SMARCA1: variants seen among roughly 807,000 people sequenced by gnomAD.
SMARCA1 encodes the protein SNF2 related chromatin remodeling ATPase 1.
In SMARCA1, 17 loss-of-function variants were observed where a neutral mutation model predicts 93.6. The ratio of observed to expected loss-of-function variants is 0.18; its 90% CI spans 0.12 to 0.27. The LOEUF (loss-of-function observed/expected upper bound fraction) is 0.27. SMARCA1 is among the 10% of genes least tolerant of loss of function. The pLI, the probability that SMARCA1 is intolerant of heterozygous loss-of-function variation, is 1.00. For missense variants in SMARCA1, 630 were observed against 819.0 expected, an observed-to-expected ratio of 0.77 and a Z score of 2.82; for synonymous variants, 271 against 271.4, an observed-to-expected ratio of 1.00 and a Z score of 0.01.
chrX:129,461,035 A>G (rs1372141157), intron 23 of SMARCA1, among the ~76,000 whole-genome samples: 1 of 112,200 alleles, frequency 8.9e-6, no homozygotes, highest in Admixed American at 9.5e-5. Flanking sequence ...TAATAACACA[A>G]TTTTCATTAC....
At chrX:129,461,118 T>A (rs2124182506) in intron 23 of SMARCA1, among the ~76,000 whole-genome samples, 1 of 111,654 alleles carries the variant, frequency 9.0e-6, no homozygotes, top group African/African-American at 3.2e-5. Context: ...CTACAAAAGA[T>A]ATGGTAATTG....
At chrX:129,508,295 T>C (rs973504105) in intron 6 of SMARCA1, among the ~76,000 whole-genome samples, 199 bp from the exon 7 acceptor site, 1 of 111,826 alleles carries the variant, frequency 8.9e-6, no homozygotes, top group African/African-American at 3.2e-5. Flanking sequence ...GACCTGCTAA[T>C]ATATTCATTA....
At chrX:129,451,412 G>A (rs1932285101) in intron 23 of SMARCA1, among the ~76,000 whole-genome samples, 1 of 111,306 alleles carries the variant, frequency 9.0e-6, no homozygotes, top group Non-Finnish European at 1.9e-5. Flanking sequence ...ATAGTTGCTT[G>A]TGACTGGAGA....
chrX:129,480,343 A>G (rs1179889159), intron 19 of SMARCA1, among the ~76,000 whole-genome samples: 2 of 112,770 alleles, frequency 1.8e-5, no homozygotes, highest in Non-Finnish European at 3.7e-5. Context: ...TGGACCTATT[A>G]AGGAAATGAT....
intron 17 of SMARCA1, among the ~76,000 whole-genome samples, chrX:129,484,069 T>C (rs972704050): frequency 8.9e-6 from 1 of 112,016 alleles, no homozygotes; most frequent in African/African-American, 3.2e-5. Flanking sequence ...ATACAAGTCA[T>C]CATGGTTATT....
intron 24 of SMARCA1, among the ~76,000 whole-genome samples, chrX:129,447,757 C>T (rs887494467): frequency 9.0e-6 from 1 of 111,238 alleles, no homozygotes; most frequent in Non-Finnish European, 1.9e-5. Context: ...ATCTTAGATT[C>T]GATGAAATAT....
intron 7 of SMARCA1, 73 bp from the exon 8 acceptor site, chrX:129,506,284 T>C: frequency 1.4e-5 from 11 of 776,508 alleles, no homozygotes; most frequent in Non-Finnish European, 2.1e-5. Context: ...CTGTAATTTA[T>C]CCAACCAATA....
chrX:129,471,845 G>GA (rs1452181207), intron 19 of SMARCA1, among the ~76,000 whole-genome samples: 1 of 111,314 alleles, frequency 9.0e-6, no homozygotes, highest in Non-Finnish European at 1.9e-5. Context: ...GGATAATGAA[G>GA]AAAAAAGAGG....
chrX:129,503,833 G>A (rs1271253659), intron 9 of SMARCA1, among the ~76,000 whole-genome samples: 6 of 97,475 alleles, frequency 6.2e-5, no homozygotes, highest in African/African-American at 7.6e-5. Context: ...GTGGTGGCAC[G>A]TGCCTTTAGT....
At chrX:129,516,915 T>C (rs1245053514) in intron 2 of SMARCA1, among the ~76,000 whole-genome samples, 4 of 111,273 alleles carry the variant, frequency 3.6e-5, no homozygotes, top group African/African-American at 1.3e-4. Flanking sequence ...ATCCCAAATA[T>C]TGAAATATAA....
intron 23 of SMARCA1, among the ~76,000 whole-genome samples, chrX:129,449,586 GATTC>G (rs1932184333): frequency 8.9e-6 from 1 of 111,884 alleles, no homozygotes; most frequent in Non-Finnish European, 1.9e-5. Context: ...CATTAAACAT[GATTC>G]ATTAATACGG....
intron 19 of SMARCA1, among the ~76,000 whole-genome samples, chrX:129,472,838 G>A (rs1056458768): frequency 4.7e-4 from 52 of 111,731 alleles, no homozygotes; most frequent in Admixed American, 4.8e-4. Context: ...TCCTTTGGAC[G>A]CAATGTCAGA....
At chrX:129,473,464 C>T (rs191666544) in intron 19 of SMARCA1, among the ~76,000 whole-genome samples, 2 of 111,596 alleles carry the variant, frequency 1.8e-5, no homozygotes, top group African/African-American at 6.5e-5. Context: ...AAGTATTTAC[C>T]CAAAGAAAGG....
intron 19 of SMARCA1, among the ~76,000 whole-genome samples, chrX:129,477,283 G>A (rs1253741068): frequency 8.9e-6 from 1 of 111,755 alleles, no homozygotes; most frequent in African/African-American, 3.3e-5. Context: ...GGCTGGGCGT[G>A]GCGGCTCACA....
intron 19 of SMARCA1, among the ~76,000 whole-genome samples, chrX:129,478,912 G>A (rs1260808240): frequency 9.0e-6 from 1 of 111,631 alleles, no homozygotes; most frequent in Non-Finnish European, 1.9e-5. Flanking sequence ...CGTCTGAGCG[G>A]AACGAATAGA....
In SMARCA1 at chrX:129,447,218, C is replaced by T; in HGVS notation, c.3157G>A (p.Ala1053Thr). The T allele has an allele frequency of 8.8e-7, 1 of 1,136,114 alleles. No individual in the cohort carries two copies. Among genetic ancestry groups the T allele is most frequent in the Non-Finnish European group, 1.2e-6 (1 of 857,763 alleles). The allele number at this position is 1,136,114 out of a possible 1,213,427, so 93.6% of individuals were successfully genotyped here. Reference protein sequence around the residue: ...TKTPMSQKRKAESATESSGKK... With the variant: ...TKTPMSQKRKTESATESSGKK... ...CCAGAGCTCTCAGTAGCTGACTCTG[C>T]TTTTCTTTTCTGTGACTAAAATGGA... is the stretch of plus-strand genomic sequence containing the variant. The change falls in exon 25 of 25, where the codon GCA becomes ACA. Residue 1053 changes from alanine to threonine, a missense_variant. Transcript: ENST00000371121.
At chrX:129,522,524 TG>T (rs1294217268) in intron 1 of SMARCA1, among the ~76,000 whole-genome samples, 1 of 1,934 alleles carries the variant, frequency 5.2e-4, no homozygotes, top group Non-Finnish European at 9.5e-4. Flanking sequence ...TTCCTCAGTT[TG>T]GGGGGGCGGG....
intron 6 of SMARCA1, among the ~76,000 whole-genome samples, chrX:129,510,653 T>C (rs1934989646): frequency 8.9e-6 from 1 of 112,445 alleles, no homozygotes; most frequent in Non-Finnish European, 1.9e-5. Context: ...AAATTAAATA[T>C]ACCGAGACAT....
At chrX:129,481,772 G>A (rs1004110552) in intron 17 of SMARCA1, among the ~76,000 whole-genome samples, 1 of 111,545 alleles carries the variant, frequency 9.0e-6, no homozygotes, top group African/African-American at 3.3e-5. Context: ...AGTCAGTGTG[G>A]CGATTCCTCA....
Sources: gnomAD v4.1 joint callset for allele counts (sites outside exome capture counted in the v4.1 genomes callset) on GRCh38, gnomAD v4.1.1 for gene constraint, MANE v1.5 for transcripts, NCBI Gene and HGNC (gene_info 2026-07-23, HGNC 2026-07-21) for gene names.